The following TAFA1 variants were observed in gnomAD, a reference collection of about 807,000 sequenced individuals.
TAFA1 encodes the protein TAFA chemokine like family member 1.
In TAFA1, 4 loss-of-function variants were observed where a neutral mutation model predicts 18.5. That is an observed-to-expected ratio of 0.22 (90% CI 0.11 to 0.49). The LOEUF is 0.49. Among genes scored for constraint, TAFA1 ranks in the 20% least tolerant of loss-of-function variants. The probability of loss-of-function intolerance (pLI) is 0.98; values close to 1 mark genes in which losing one functional copy is unlikely to be tolerated. For synonymous variants in TAFA1, 56 were observed against 55.2 expected, an observed-to-expected ratio of 1.01 and a Z score of -0.06; for missense variants, 147 against 169.0, an observed-to-expected ratio of 0.87 and a Z score of 0.72.
rs866877066 is a variant in TAFA1 at position 68,494,781 on chromosome 3, A to G, written c.260-43975A>G. ...CAGCTTAATGCAATTCCTAATTGAC[A>G]CACTACCTCATAGGGTTATTATAAG... On this transcript the variant is annotated intron_variant, in intron 3 of 4. Coordinates refer to ENST00000478136, the MANE Select transcript of TAFA1 (RefSeq NM_213609.4). Among the ~76,000 whole-genome samples, 7 of 152,344 alleles carry G rather than the reference A, an allele frequency of 4.6e-5. No homozygotes were observed. In the South Asian group the frequency reaches 1.4e-3, roughly 32 times the overall value.
chr3:68,341,422 A>T (rs934443433), intron 2 of TAFA1, among the ~76,000 whole-genome samples: 1 of 152,082 alleles, frequency 6.6e-6, no homozygotes, highest in African/African-American at 2.4e-5. Context: ...TCAAACACTG[A>T]TCTTAGGTTT....
At chr3:68,096,026 C>A (rs890111944) in intron 2 of TAFA1, among the ~76,000 whole-genome samples, 5 of 152,008 alleles carry the variant, frequency 3.3e-5, no homozygotes, top group Non-Finnish European at 7.4e-5. Flanking sequence ...TTCTATCTAA[C>A]TGTGTTTGTA....
intron 2 of TAFA1, among the ~76,000 whole-genome samples, chr3:68,261,134 C>G (rs533507795): frequency 6.6e-6 from 1 of 152,024 alleles, no homozygotes; most frequent in Non-Finnish European, 1.5e-5. Flanking sequence ...CAAAAGAAGA[C>G]ATTTATGCAT....
chr3:68,196,027 A>G (rs2066405965), intron 2 of TAFA1, among the ~76,000 whole-genome samples: 1 of 151,740 alleles, frequency 6.6e-6, no homozygotes, highest in East Asian at 2.0e-4. Context: ...TTTTAGAGAC[A>G]GCTGGGCTTT....
intron 3 of TAFA1, among the ~76,000 whole-genome samples, chr3:68,498,308 A>G (rs1031059376): frequency 6.6e-6 from 1 of 152,174 alleles, no homozygotes; most frequent in Non-Finnish European, 1.5e-5. Flanking sequence ...CATTTAATCC[A>G]CACATATGTA....
At chr3:68,479,610 T>C (rs1177129295) in intron 3 of TAFA1, among the ~76,000 whole-genome samples, 1 of 152,168 alleles carries the variant, frequency 6.6e-6, no homozygotes, top group Non-Finnish European at 1.5e-5. Flanking sequence ...GATATATTTA[T>C]ATAACATGAG....
intron 2 of TAFA1, among the ~76,000 whole-genome samples, chr3:68,134,356 C>CGTGT (rs140941461): frequency 2.0e-5 from 3 of 150,832 alleles, no homozygotes; most frequent in Non-Finnish European, 4.4e-5. Flanking sequence ...GTACTGAGTG[C>CGTGT]GTGTGTGTGT....
intron 2 of TAFA1, among the ~76,000 whole-genome samples, chr3:68,351,716 T>C (rs976517109): frequency 6.6e-6 from 1 of 151,978 alleles, no homozygotes; most frequent in African/African-American, 2.4e-5. Flanking sequence ...AGAAAAGCTC[T>C]TGTAATAGAC....
intron 2 of TAFA1, among the ~76,000 whole-genome samples, chr3:68,110,618 G>A (rs75570337): frequency 0.053 from 8,022 of 152,200 alleles, 285 homozygotes; most frequent in South Asian, 0.18. Flanking sequence ...AAACCAGGAG[G>A]CAAGGTAGGA....
chr3:68,125,503 A>G lies in TAFA1; in HGVS notation c.118+118759A>G, dbSNP rs561031985. Among the ~76,000 whole-genome samples the G allele has an allele frequency of 1.3e-4, 20 of 152,354 alleles. 1 individual carries two copies. The highest frequency in any genetic ancestry group is 4.3e-4 in the African/African-American group (18 of 41,588). On this transcript the variant is annotated intron_variant, in intron 2 of 4. Coordinates refer to ENST00000478136, the MANE Select transcript of TAFA1 (RefSeq NM_213609.4). ...GTGGCTATGAGCTAAATGATGTTCTAAATACACTGGAGAGAGACACAGCCC... is the reference window on the plus strand; with the variant it reads ...GTGGCTATGAGCTAAATGATGTTCTGAATACACTGGAGAGAGACACAGCCC...
chr3:68,307,685 A>G (rs1012374842), intron 2 of TAFA1, among the ~76,000 whole-genome samples: 2 of 152,184 alleles, frequency 1.3e-5, no homozygotes, highest in Admixed American at 6.5e-5. Flanking sequence ...AGGCACTTGA[A>G]AAAACTGGAG....
chr3:68,061,737 C>A (rs1481390039), intron 2 of TAFA1, among the ~76,000 whole-genome samples: 1 of 152,114 alleles, frequency 6.6e-6, no homozygotes, highest in Non-Finnish European at 1.5e-5. Flanking sequence ...AAGAATAAAA[C>A]TGTAGTTGAC....
chr3:68,227,037 A>G (rs1034881649), intron 2 of TAFA1, among the ~76,000 whole-genome samples: 1 of 152,172 alleles, frequency 6.6e-6, no homozygotes, highest in African/African-American at 2.4e-5. Flanking sequence ...AACATTTACT[A>G]TTATAAGGGA....
At chr3:68,101,371 A>T (rs1346070097) in intron 2 of TAFA1, among the ~76,000 whole-genome samples, 2 of 152,112 alleles carry the variant, frequency 1.3e-5, no homozygotes, top group Admixed American at 1.3e-4. Flanking sequence ...TTACATATGT[A>T]TACATGTGCC....
At chr3:68,217,206 T>C (rs1351033631) in intron 2 of TAFA1, among the ~76,000 whole-genome samples, 1 of 152,048 alleles carries the variant, frequency 6.6e-6, no homozygotes, top group Non-Finnish European at 1.5e-5. Flanking sequence ...TAATTACTTT[T>C]AATGGCAAAA....
intron 3 of TAFA1, among the ~76,000 whole-genome samples, chr3:68,522,073 C>T (rs986803930): frequency 1.3e-5 from 2 of 151,656 alleles, no homozygotes; most frequent in East Asian, 1.9e-4. Context: ...TCTCCATCTC[C>T]TGGCTTCAAG....
intron 2 of TAFA1, among the ~76,000 whole-genome samples, chr3:68,122,683 G>A (rs2065415576): frequency 6.6e-6 from 1 of 152,048 alleles, no homozygotes. Flanking sequence ...CTGAAAAAAA[G>A]CAAGTTGCTT....
intron 3 of TAFA1, among the ~76,000 whole-genome samples, chr3:68,510,864 G>C (rs1217573610): frequency 6.6e-6 from 1 of 151,224 alleles, no homozygotes; most frequent in Non-Finnish European, 1.5e-5. Flanking sequence ...AAATGTAACA[G>C]GAAGACATAG....
At chr3:68,490,922 C>T (rs1234779396) in intron 3 of TAFA1, among the ~76,000 whole-genome samples, 5 of 151,636 alleles carry the variant, frequency 3.3e-5, no homozygotes, top group Non-Finnish European at 5.9e-5. Flanking sequence ...TCACTACAGC[C>T]GGACCTCCCA....
Sources: gnomAD v4.1 joint callset for allele counts (sites outside exome capture counted in the v4.1 genomes callset) on GRCh38, gnomAD v4.1.1 for gene constraint, MANE v1.5 for transcripts, NCBI Gene and HGNC (gene_info 2026-07-23, HGNC 2026-07-21) for gene names.